Variants in FBXW2 observed in about 807,000 individuals in gnomAD.
The protein encoded by FBXW2 is F-box and WD repeat domain containing 2.
A neutral mutation model predicts 46.0 loss-of-function variants in FBXW2; 12 were observed. That is an observed-to-expected ratio of 0.26 (90% CI 0.17 to 0.42). FBXW2 has a LOEUF of 0.42. FBXW2 is among the 10% of genes least tolerant of loss of function. The pLI is 1.00. For synonymous variants in FBXW2, 203 were observed against 209.6 expected, an observed-to-expected ratio of 0.97 and a Z score of 0.27; for missense variants, 360 against 537.0, an observed-to-expected ratio of 0.67 and a Z score of 3.26.
intron 2 of FBXW2, chr9:120,792,773 G>GTT: frequency 1.2e-6 from 1 of 838,760 alleles, no homozygotes; most frequent in Non-Finnish European, 1.7e-6. Context: ...CAAGTAAAGC[G>GTT]TTTAGCACAG....
At chr9:120,789,703 T>C (rs1243548251) in intron 2 of FBXW2, among the ~76,000 whole-genome samples, 1 of 152,198 alleles carries the variant, frequency 6.6e-6, no homozygotes, top group East Asian at 1.9e-4. Context: ...CTAGATCAGG[T>C]CTACACAAAA....
intron 3 of FBXW2, among the ~76,000 whole-genome samples, chr9:120,787,485 C>T (rs2044747411): frequency 6.6e-6 from 1 of 152,080 alleles, no homozygotes; most frequent in Admixed American, 6.6e-5. Flanking sequence ...GAGGACTACA[C>T]ATGGAGGAAA....
intron 7 of FBXW2, among the ~76,000 whole-genome samples, chr9:120,765,984 A>G (rs2044269342): frequency 6.6e-6 from 1 of 152,162 alleles, no homozygotes; most frequent in Admixed American, 6.5e-5. Context: ...TAGTGAAGCA[A>G]AAGATTAACA....
At chr9:120,777,713 C>G (rs566955683) in intron 4 of FBXW2, among the ~76,000 whole-genome samples, 1 of 149,776 alleles carries the variant, frequency 6.7e-6, no homozygotes, top group Non-Finnish European at 1.5e-5. Flanking sequence ...TCCCCACCCC[C>G]GCCCCCGCCA....
intron 7 of FBXW2, among the ~76,000 whole-genome samples, chr9:120,769,351 C>T (rs965724204): frequency 1.3e-5 from 2 of 152,170 alleles, no homozygotes; most frequent in African/African-American, 2.4e-5. Flanking sequence ...GCAACTCCTA[C>T]CCGCAAACAA....
intron 3 of FBXW2, among the ~76,000 whole-genome samples, chr9:120,781,760 C>T (rs1414517565): frequency 6.6e-6 from 1 of 152,058 alleles, no homozygotes; most frequent in African/African-American, 2.4e-5. Context: ...TGGTGGCTCA[C>T]ACCTGTAATC....
In FBXW2 at chr9:120,763,943, G is replaced by C. The variant is rs1476813607; in HGVS notation, c.*616C>G. The C allele has an allele frequency of 2.0e-5, 3 of 153,342 alleles. No individual in the cohort carries two copies. Among genetic ancestry groups the C allele is most frequent in the Non-Finnish European group, 4.4e-5 (3 of 68,858 alleles). 9.5% of individuals were successfully genotyped at this position (153,342 alleles called of 1,614,324 possible). A position where few individuals can be genotyped will look rare whatever the true frequency, so the allele number is the denominator to read the frequency against. ...TCACATCTTAAACATGGCCAACCTTGACTCTGCCAAGATATAAGGTTTAGA... is the reference window on the plus strand; with the variant it reads ...TCACATCTTAAACATGGCCAACCTTCACTCTGCCAAGATATAAGGTTTAGA... On this transcript the variant is annotated 3_prime_UTR_variant, in exon 8 of 8. Transcript: ENST00000608872.
intron 7 of FBXW2, among the ~76,000 whole-genome samples, chr9:120,770,177 C>T (rs2131297595): frequency 6.6e-6 from 1 of 152,258 alleles, no homozygotes; most frequent in South Asian, 2.1e-4. Context: ...GAGATTGAGT[C>T]CATCCTGCCT....
At chr9:120,776,275 C>A (rs2044494889) in intron 4 of FBXW2, 49 bp from the exon 5 acceptor site, 2 of 1,591,574 alleles carry the variant, frequency 1.3e-6, no homozygotes, top group African/African-American at 1.4e-5. Flanking sequence ...GTCAGTGGGT[C>A]TTTTATAATA....
intron 5 of FBXW2, among the ~76,000 whole-genome samples, chr9:120,774,293 T>C (rs2044444125): frequency 7.2e-6 from 1 of 139,130 alleles, no homozygotes; most frequent in African/African-American, 2.7e-5. Context: ...GCCGAGATCG[T>C]GCCACTGCAC....
intron 3 of FBXW2, among the ~76,000 whole-genome samples, chr9:120,785,174 G>GT (rs1421268367): frequency 6.6e-6 from 1 of 151,462 alleles, no homozygotes; most frequent in East Asian, 2.0e-4. Flanking sequence ...ACACCCAGCT[G>GT]TTTTTTTATT....
intron 7 of FBXW2, among the ~76,000 whole-genome samples, chr9:120,765,808 G>A (rs1751290905): frequency 6.6e-6 from 1 of 152,006 alleles, no homozygotes; most frequent in South Asian, 2.1e-4. Flanking sequence ...AAAAACTAGG[G>A]AAGAAACAAC....
At chr9:120,790,127 C>T (rs113889918) in intron 2 of FBXW2, among the ~76,000 whole-genome samples, 5 of 152,330 alleles carry the variant, frequency 3.3e-5, no homozygotes, top group African/African-American at 1.2e-4. Context: ...AAGCAATTAT[C>T]TTCTGTGGGC....
intron 3 of FBXW2, among the ~76,000 whole-genome samples, chr9:120,784,122 G>T (rs1588046170): frequency 6.6e-6 from 1 of 152,110 alleles, no homozygotes; most frequent in East Asian, 1.9e-4. Context: ...CAAACCTGAT[G>T]AATTTAATCA....
Position 120,776,016 on chromosome 9 carries a change from T to A in FBXW2, c.819+77A>T, listed in dbSNP as rs796981264. The stretch of plus-strand genomic sequence containing the variant: ...CATCTTATGACTCACCTAACACTTA[T>A]AAGGCAGTGTCTACCATCCTCCACG... On this transcript the variant is annotated intron_variant, in intron 5 of 7. Coordinates refer to ENST00000608872, the MANE Select transcript of FBXW2 (RefSeq NM_012164.4). 5.8e-6 allele frequency: 9 copies of A among 1,553,588 alleles called. No homozygotes were observed. The African/African-American group carries it at 1.1e-4, about 19-fold the overall frequency.
At chr9:120,791,384 A>G (rs1409544291) in intron 2 of FBXW2, among the ~76,000 whole-genome samples, 2 of 152,254 alleles carry the variant, frequency 1.3e-5, no homozygotes, top group African/African-American at 2.4e-5. Context: ...GAGGTTGGCC[A>G]GATGTTTTAC....
At chr9:120,781,698 A>C (rs1276481928) in intron 3 of FBXW2, among the ~76,000 whole-genome samples, 1 of 151,914 alleles carries the variant, frequency 6.6e-6, no homozygotes, top group African/African-American at 2.4e-5. Context: ...ACATATATAC[A>C]TACATGGAAT....
intron 3 of FBXW2, among the ~76,000 whole-genome samples, chr9:120,778,944 A>C (rs1469063042): frequency 1.3e-5 from 2 of 152,240 alleles, no homozygotes; most frequent in Non-Finnish European, 2.9e-5. Flanking sequence ...TCCATTACCC[A>C]ACAGTTCTGA....
At chr9:120,767,162 A>G (rs2044290858) in intron 7 of FBXW2, among the ~76,000 whole-genome samples, 1 of 152,186 alleles carries the variant, frequency 6.6e-6, no homozygotes, top group Non-Finnish European at 1.5e-5. Flanking sequence ...AAATTTTACA[A>G]ATTCTCTCTC....
Sources: allele counts gnomAD v4.1 joint callset (sites outside exome capture counted in the v4.1 genomes callset), GRCh38; gene constraint gnomAD v4.1.1; transcripts MANE v1.5; gene names NCBI Gene and HGNC (gene_info 2026-07-23, HGNC 2026-07-21).